Variants in TTLL1 observed in about 807,000 individuals in gnomAD.
TTLL1 encodes TTL family tubulin polyglutamylase complex subunit L1, also known as polyglutamylase complex subunit TTLL1.
In TTLL1, 33 loss-of-function variants were observed where a neutral mutation model predicts 47.8. The ratio of observed to expected loss-of-function variants is 0.69; its 90% confidence interval spans 0.52 to 0.92. The LOEUF (loss-of-function observed/expected upper bound fraction) is 0.92, where lower values mean the gene tolerates loss of function less well. Among genes scored for constraint, TTLL1 ranks in the 40% least tolerant of loss-of-function variants. The pLI, the probability that TTLL1 is intolerant of heterozygous loss-of-function variation, is 0.00. For missense variants in TTLL1, 488 were observed against 547.5 expected, an observed-to-expected ratio of 0.89 and a Z score of 1.08; for synonymous variants, 225 against 214.1, an observed-to-expected ratio of 1.05 and a Z score of -0.45.
At chr22:43,084,166 T>G (rs573619187) in intron 1 of TTLL1, among the ~76,000 whole-genome samples, 3 of 152,182 alleles carry the variant, frequency 2.0e-5, no homozygotes, top group Non-Finnish European at 4.4e-5. Context: ...TTTTTTCTTT[T>G]TTGAGATGGA....
chr22:43,087,825 G>C (rs1212389188), intron 1 of TTLL1, among the ~76,000 whole-genome samples: 1 of 126,126 alleles, frequency 7.9e-6, no homozygotes, highest in East Asian at 2.5e-4. Flanking sequence ...GGGTGACAGA[G>C]TGAGACGGTC....
chr22:43,047,852 C>A (rs2146961382), intron 9 of TTLL1, among the ~76,000 whole-genome samples: 1 of 152,218 alleles, frequency 6.6e-6, no homozygotes, highest in South Asian at 2.1e-4. Context: ...TTAGAGGGAG[C>A]AAATTTGTAA....
At chr22:43,058,968 C>T (rs1194297859) in intron 8 of TTLL1, among the ~76,000 whole-genome samples, 2 of 151,858 alleles carry the variant, frequency 1.3e-5, no homozygotes, top group Admixed American at 6.6e-5. Flanking sequence ...GCTGGGATTA[C>T]AGGCGTTAAC....
intron 1 of TTLL1, among the ~76,000 whole-genome samples, chr22:43,086,068 C>T (rs1351074551): frequency 6.6e-6 from 1 of 152,168 alleles, no homozygotes; most frequent in Non-Finnish European, 1.5e-5. Context: ...AATACTAAGC[C>T]GTTTTCCTTA....
At chr22:43,053,370 C>CT (rs2146966992) in intron 8 of TTLL1, among the ~76,000 whole-genome samples, 1 of 152,362 alleles carries the variant, frequency 6.6e-6, no homozygotes, top group East Asian at 1.9e-4. Flanking sequence ...TGGCTGCCTC[C>CT]TCATGTAATT....
intron 8 of TTLL1, among the ~76,000 whole-genome samples, chr22:43,057,389 C>T (rs893270063): frequency 1.3e-5 from 2 of 151,834 alleles, no homozygotes; most frequent in African/African-American, 4.8e-5. Context: ...GGATTACAGG[C>T]GTGAGCCACT....
chr22:43,047,509 C>A (rs1213107645), intron 9 of TTLL1, among the ~76,000 whole-genome samples: 1 of 152,094 alleles, frequency 6.6e-6, no homozygotes, highest in African/African-American at 2.4e-5. Context: ...TGCTGTGTCA[C>A]CCAGGCTGGA....
chr22:43,058,126 A>G (rs1927147170), intron 8 of TTLL1, among the ~76,000 whole-genome samples: 2 of 151,906 alleles, frequency 1.3e-5, no homozygotes, highest in Non-Finnish European at 2.9e-5. Flanking sequence ...TTGTAGTTGT[A>G]GTAGAGACGG....
chr22:43,057,935 AAT>A (rs201882486), intron 8 of TTLL1, among the ~76,000 whole-genome samples: 84 of 147,088 alleles, frequency 5.7e-4, no homozygotes, highest in African/African-American at 1.1e-3. Flanking sequence ...AAGCACTGGA[AAT>A]ATATATATAT....
chr22:43,060,801 C>T (rs1927342145), intron 7 of TTLL1, among the ~76,000 whole-genome samples: 1 of 152,224 alleles, frequency 6.6e-6, no homozygotes, highest in Non-Finnish European at 1.5e-5. Context: ...ATTTCATTTT[C>T]TAAGTATAAA....
At chr22:43,058,509 G>A (rs1927174126) in intron 8 of TTLL1, among the ~76,000 whole-genome samples, 1 of 152,142 alleles carries the variant, frequency 6.6e-6, no homozygotes, top group South Asian at 2.1e-4. Flanking sequence ...TGCCAAAATA[G>A]TTATTATTGA....
intron 10 of TTLL1, among the ~76,000 whole-genome samples, chr22:43,046,183 T>A (rs1409817789): frequency 6.6e-6 from 1 of 152,158 alleles, no homozygotes; most frequent in African/African-American, 2.4e-5. Flanking sequence ...ATCGTGCCAC[T>A]GCAACCCAGC....
intron 9 of TTLL1, among the ~76,000 whole-genome samples, chr22:43,049,534 AACC>A (rs1926424906): frequency 6.6e-6 from 1 of 151,334 alleles, no homozygotes; most frequent in Non-Finnish European, 1.5e-5. Context: ...AAAAAAACAA[AACC>A]AAACAAACAA....
At chr22:43,067,298 CA>C (rs902556137) in intron 5 of TTLL1, among the ~76,000 whole-genome samples, 6 of 152,222 alleles carry the variant, frequency 3.9e-5, no homozygotes, top group African/African-American at 1.4e-4. Flanking sequence ...ATCACAACCC[CA>C]TGGCAGTGGT....
chr22:43,081,303 C>T (rs771882732), intron 1 of TTLL1, among the ~76,000 whole-genome samples: 1 of 152,050 alleles, frequency 6.6e-6, no homozygotes, highest in Non-Finnish European at 1.5e-5. Flanking sequence ...CAGCACAAGC[C>T]CAGGCACAGG....
intron 3 of TTLL1, among the ~76,000 whole-genome samples, chr22:43,073,854 C>T (rs1410011544): frequency 6.6e-6 from 1 of 150,762 alleles, no homozygotes; most frequent in Non-Finnish European, 1.5e-5. Flanking sequence ...GACAGAGTCT[C>T]ACTGTCACCC....
At chr22:43,052,036 C>T (rs1338478048) in intron 8 of TTLL1, 149 bp from the exon 9 acceptor site, 2 of 671,036 alleles carry the variant, frequency 3.0e-6, no homozygotes, top group African/African-American at 1.8e-5. Context: ...CTTCCCTCCT[C>T]TCCCTCTTCC....
At chr22:43,075,265 C>T (rs116463094) in intron 3 of TTLL1, among the ~76,000 whole-genome samples, 216 of 151,416 alleles carry the variant, frequency 1.4e-3, no homozygotes, top group African/African-American at 4.9e-3. Flanking sequence ...TGAAACACCC[C>T]GGACTTCATA....
chr22:43,067,295 C>T (rs532395056), intron 5 of TTLL1, among the ~76,000 whole-genome samples: 1 of 152,336 alleles, frequency 6.6e-6, no homozygotes, highest in African/African-American at 2.4e-5. Context: ...CCCATCACAA[C>T]CCCATGGCAG....
Sources: allele counts gnomAD v4.1 joint callset (sites outside exome capture counted in the v4.1 genomes callset), GRCh38; gene constraint gnomAD v4.1.1; transcripts MANE v1.5; gene names NCBI Gene and HGNC (gene_info 2026-07-23, HGNC 2026-07-21).